The following PRKG1 variants were observed in gnomAD, a reference collection of about 807,000 sequenced individuals.
The protein encoded by PRKG1 is cGMP-dependent protein kinase 1.
A neutral mutation model predicts 88.1 loss-of-function variants in PRKG1; 35 were observed. The observed-to-expected ratio is 0.40, with a 90% CI of 0.30 to 0.53. PRKG1 has a LOEUF of 0.53. Ranked by LOEUF, PRKG1 falls within the 20% of genes least tolerant of loss-of-function variation. The pLI, the probability that PRKG1 is intolerant of heterozygous loss-of-function variation, is 0.59. For missense variants in PRKG1, 540 were observed against 839.8 expected, an observed-to-expected ratio of 0.64 and a Z score of 4.41; for synonymous variants, 303 against 292.5, an observed-to-expected ratio of 1.04 and a Z score of -0.37.
intron 2 of PRKG1, among the ~76,000 whole-genome samples, chr10:51,164,017 C>G (rs575988331): frequency 2.0e-5 from 3 of 152,266 alleles, no homozygotes; most frequent in South Asian, 4.1e-4. Context: ...CTTAAATGTC[C>G]CTGCCTAACA....
At chr10:52,062,971 GTTGGTTGAAAT>G in intron 7 of PRKG1, 1 of 582,702 alleles carries the variant, frequency 1.7e-6, no homozygotes, top group South Asian at 2.2e-5. Flanking sequence ...CATTAAGATA[GTTGGTTGAAAT>G]TTTTGAAATC....
chr10:51,694,575 C>T (rs1841234924), intron 3 of PRKG1, among the ~76,000 whole-genome samples: 1 of 152,122 alleles, frequency 6.6e-6, no homozygotes, highest in Admixed American at 6.6e-5. Context: ...TGGGCAGGCA[C>T]TGATTAAAGT....
At chr10:52,244,545 A>C (rs541742071) in intron 9 of PRKG1, among the ~76,000 whole-genome samples, 1 of 151,566 alleles carries the variant, frequency 6.6e-6, no homozygotes, top group South Asian at 2.1e-4. Context: ...ATGAGGCAAC[A>C]GTCCCTGTAG....
At chr10:51,459,662 A>G (rs891212579) in intron 2 of PRKG1, among the ~76,000 whole-genome samples, 1 of 152,176 alleles carries the variant, frequency 6.6e-6, no homozygotes, top group African/African-American at 2.4e-5. Context: ...AGAGAGTTAG[A>G]TAAGTTATCT....
chr10:52,064,953 A>G (rs1846322319), intron 7 of PRKG1, among the ~76,000 whole-genome samples: 1 of 152,142 alleles, frequency 6.6e-6, no homozygotes, highest in Admixed American at 6.5e-5. Flanking sequence ...GTAGAGGTGG[A>G]AGAGTAGGTG....
intron 3 of PRKG1, chr10:51,696,067 T>A (rs191733426): frequency 3.9e-5 from 6 of 152,314 alleles, no homozygotes; most frequent in African/African-American, 1.4e-4. Context: ...TTTTTAATTG[T>A]CTCATTGGTA....
At chr10:51,477,947 A>G (rs1188738588) in intron 3 of PRKG1, among the ~76,000 whole-genome samples, 3 of 152,042 alleles carry the variant, frequency 2.0e-5, no homozygotes, top group Non-Finnish European at 2.9e-5. Context: ...ACCAAACTAC[A>G]GGTAAGGATA....
intron 2 of PRKG1, among the ~76,000 whole-genome samples, chr10:51,235,253 C>A (rs1418164170): frequency 1.3e-5 from 2 of 152,106 alleles, no homozygotes; most frequent in Admixed American, 6.6e-5. Context: ...CAGATATTTG[C>A]TTACTTGTTT....
intron 3 of PRKG1, among the ~76,000 whole-genome samples, chr10:51,579,913 GTCTT>G (rs1295526916): frequency 2.0e-5 from 3 of 152,140 alleles, no homozygotes; most frequent in African/African-American, 7.2e-5. Flanking sequence ...AAATCAAACT[GTCTT>G]TCACTGGGAA....
intron 14 of PRKG1, among the ~76,000 whole-genome samples, chr10:52,282,754 T>C (rs1327010902): frequency 1.3e-5 from 2 of 152,080 alleles, no homozygotes; most frequent in African/African-American, 4.8e-5. Context: ...GTTATTATCA[T>C]CAACTCAAAT....
At chr10:52,029,154 G>T (rs1270409489) in intron 5 of PRKG1, among the ~76,000 whole-genome samples, 1 of 152,144 alleles carries the variant, frequency 6.6e-6, no homozygotes, top group Non-Finnish European at 1.5e-5. Flanking sequence ...TCTGCTCTTT[G>T]CTATTCCTCG....
chr10:51,396,267 G>A (rs1185012579), intron 2 of PRKG1, among the ~76,000 whole-genome samples: 2 of 152,068 alleles, frequency 1.3e-5, no homozygotes, highest in Non-Finnish European at 2.9e-5. Flanking sequence ...TGGGCGTGGT[G>A]ACATGTGCCT....
At chr10:51,265,061 A>G (rs577022813) in intron 2 of PRKG1, among the ~76,000 whole-genome samples, 21 of 152,244 alleles carry the variant, frequency 1.4e-4, no homozygotes, top group African/African-American at 5.1e-4. Flanking sequence ...TACTTTTCTT[A>G]TATAACCAGT....
chr10:52,091,837 C>A (rs779054355), intron 7 of PRKG1, among the ~76,000 whole-genome samples: 14 of 152,182 alleles, frequency 9.2e-5, no homozygotes, highest in Non-Finnish European at 1.8e-4. Context: ...AACCTTAATG[C>A]ACATTCATGG....
chr10:51,905,954 A>T (rs1191254520), intron 4 of PRKG1, among the ~76,000 whole-genome samples: 1 of 152,208 alleles, frequency 6.6e-6, no homozygotes, highest in Admixed American at 6.5e-5. Context: ...CTAGCAGAGA[A>T]GACATTCAGT....
At chr10:51,525,630 A>G (rs1019486076) in intron 3 of PRKG1, among the ~76,000 whole-genome samples, 96 of 152,236 alleles carry the variant, frequency 6.3e-4, no homozygotes, top group African/African-American at 2.1e-3. Context: ...CCCAGGAGGC[A>G]GAGCTTGCAG....
intron 9 of PRKG1, among the ~76,000 whole-genome samples, chr10:52,205,115 C>T (rs2132786879): frequency 6.6e-6 from 1 of 152,206 alleles, no homozygotes; most frequent in East Asian, 1.9e-4. Flanking sequence ...TTAGGAAATT[C>T]CAGCCTGGTG....
intron 2 of PRKG1, among the ~76,000 whole-genome samples, chr10:51,296,628 T>A (rs1339397716): frequency 1.3e-5 from 2 of 152,034 alleles, no homozygotes; most frequent in African/African-American, 4.8e-5. Flanking sequence ...AAAAATCAAC[T>A]CTTGTTTATG....
At chr10:51,156,422 T>A (rs1370768370) in intron 2 of PRKG1, among the ~76,000 whole-genome samples, 1 of 151,954 alleles carries the variant, frequency 6.6e-6, no homozygotes, top group African/African-American at 2.4e-5. Context: ...ACGATAATTT[T>A]AATAAATTTT....
Sources: gnomAD v4.1 joint callset for allele counts (sites outside exome capture counted in the v4.1 genomes callset) on GRCh38, gnomAD v4.1.1 for gene constraint, MANE v1.5 for transcripts, NCBI Gene and HGNC (gene_info 2026-07-23, HGNC 2026-07-21) for gene names.